LAMA4: variants seen among roughly 807,000 people sequenced by gnomAD.
The protein encoded by LAMA4 is laminin subunit alpha 4, also known as laminin subunit alpha-4.
In LAMA4, 127 loss-of-function variants were observed where a neutral mutation model predicts 207.1. That is an observed-to-expected ratio of 0.61 (90% CI 0.53 to 0.71). LAMA4 has a LOEUF of 0.71. LAMA4 is among the 30% of genes least tolerant of loss of function. LAMA4 has a pLI of 0.00. For synonymous variants in LAMA4, 761 were observed against 816.0 expected (o/e 0.93, Z 1.15); for missense variants, 2,093 against 2,246.5 (o/e 0.93, Z 1.38).
At chr6:112,160,035 A>C (rs7739729) in intron 13 of LAMA4, among the ~76,000 whole-genome samples, 8,107 of 151,982 alleles carry the variant, frequency 0.053, 704 homozygotes, top group African/African-American at 0.18. Context: ...CAGCTACCCC[A>C]CTTGGCTAAG....
chr6:112,188,297 G>T (rs1398205447), intron 7 of LAMA4, among the ~76,000 whole-genome samples: 2 of 152,194 alleles, frequency 1.3e-5, no homozygotes, highest in Non-Finnish European at 2.9e-5. Flanking sequence ...TCTCTCAAGG[G>T]AATGATTCCC....
intron 6 of LAMA4, among the ~76,000 whole-genome samples, chr6:112,190,935 CTTTCTTTCTTTCCTTT>C (rs1345386899): frequency 0.031 from 1,823 of 58,052 alleles, 11 homozygotes; most frequent in South Asian, 0.043. Flanking sequence ...TTCTTTCTTT[CTTTCTTTCTTTCCTTT>C]CTTTCTTTCT....
Position 112,109,451 on chromosome 6 carries a change from A to G in LAMA4, c.5458T>C (p.Cys1820Arg), listed in dbSNP as rs782706577. ...GCTCTGTCATGTCAGGCTGCTGGAC[A>G]GGAGTTGATGCTTACGGCGCCGCTG... ...LVSGAVSINSCPAA is the reference protein window; with the variant it reads ...LVSGAVSINSRPAA Residue 1820 changes from cysteine (C) to arginine (R), a missense_variant, in exon 39 of 39, where the codon TGT becomes CGT. This residue lies in a region of LAMA4 where 383 missense variants were observed against 437.8 expected (regional missense o/e 0.87). Coordinates refer to ENST00000230538, the MANE Select transcript of LAMA4 (RefSeq NM_001105206.3). 4.3e-6 allele frequency: 7 copies of G among 1,613,864 alleles called. No homozygotes were observed. The highest frequency in any genetic ancestry group is 4.0e-5 in the African/African-American group (3 of 74,908).
chr6:112,178,089 T>C, intron 10 of LAMA4, 32 bp downstream of exon 10: 1 of 1,429,344 alleles, frequency 7.0e-7, no homozygotes, highest in Non-Finnish European at 9.9e-7. Flanking sequence ...GTTTCCTTGA[T>C]ATTAAACTGA....
chr6:112,208,883 A>G (rs17073574), intron 3 of LAMA4, among the ~76,000 whole-genome samples: 9,416 of 152,302 alleles, frequency 0.062, 340 homozygotes, highest in East Asian at 0.15. Context: ...TGACAGATCA[A>G]TGAGAAACTC....
At chr6:112,138,804 A>G (rs1323107973) in intron 24 of LAMA4, among the ~76,000 whole-genome samples, 6 of 152,172 alleles carry the variant, frequency 3.9e-5, no homozygotes, top group Admixed American at 3.3e-4. Flanking sequence ...TGATTAGGGC[A>G]TATGGTTTGG....
At chr6:112,123,453 T>A (rs1472455852) in intron 31 of LAMA4, among the ~76,000 whole-genome samples, 1 of 152,112 alleles carries the variant, frequency 6.6e-6, no homozygotes, top group Non-Finnish European at 1.5e-5. Context: ...CTAGGAGGGT[T>A]TTTACTGGCA....
chr6:112,146,388 AG>A (rs1554334528), intron 18 of LAMA4, among the ~76,000 whole-genome samples: 1 of 152,148 alleles, frequency 6.6e-6, no homozygotes, highest in Non-Finnish European at 1.5e-5. Flanking sequence ...TTGACTGAAC[AG>A]TGGTTCTTAA....
At chr6:112,183,775 ACT>A (rs1179401396) in intron 9 of LAMA4, among the ~76,000 whole-genome samples, 3 of 151,558 alleles carry the variant, frequency 2.0e-5, no homozygotes, top group Non-Finnish European at 4.4e-5. Context: ...ACATGGTGAA[ACT>A]CTGTCTTTAC....
intron 22 of LAMA4, among the ~76,000 whole-genome samples, chr6:112,140,490 G>A (rs782093616): frequency 6.6e-6 from 1 of 152,138 alleles, no homozygotes; most frequent in Admixed American, 6.6e-5. Context: ...GCAGGTGGGG[G>A]TAATATTAAT....
At chr6:112,142,001 T>G in intron 20 of LAMA4, 118 bp downstream of exon 20, 1 of 955,772 alleles carries the variant, frequency 1.0e-6, no homozygotes, top group South Asian at 1.3e-5. Context: ...TGAGATCTTC[T>G]GAGTTACCAG....
At chr6:112,182,390 A>C (rs145181734) in intron 9 of LAMA4, among the ~76,000 whole-genome samples, 2,159 of 152,334 alleles carry the variant, frequency 0.014, 56 homozygotes, top group African/African-American at 0.049. Context: ...AGTAATACTC[A>C]GCATATGGTA....
Position 112,109,136 on chromosome 6 carries a change from G to A in LAMA4, c.*301C>T, listed in dbSNP as rs1159946225. 10 of 388,972 alleles carry A rather than the reference G, an allele frequency of 2.6e-5. No individual in the cohort carries two copies. The East Asian group carries it at 5.6e-4, about 22-fold the overall frequency. The allele number at this position is 388,972 out of a possible 1,614,324, so 24.1% of individuals were successfully genotyped here. On this transcript the variant is annotated 3_prime_UTR_variant, in exon 39 of 39. Coordinates refer to ENST00000230538, the MANE Select transcript of LAMA4 (RefSeq NM_001105206.3). ...CAAAAATGTGTGCAAGTGTTTATTT[G>A]GAATCCCTTCTATTTTATTAGAAAC...
At chr6:112,188,237 T>A (rs1356600912) in intron 7 of LAMA4, among the ~76,000 whole-genome samples, 1 of 152,232 alleles carries the variant, frequency 6.6e-6, no homozygotes, top group East Asian at 1.9e-4. Flanking sequence ...TTAATGGTTG[T>A]TAATATGTTA....
chr6:112,115,808 G>A, intron 36 of LAMA4, 55 bp downstream of exon 36: 1 of 1,550,558 alleles, frequency 6.4e-7, no homozygotes, highest in Middle Eastern at 1.7e-4. Context: ...ATCTGCTTCA[G>A]ATCTAGAATC....
chr6:112,182,908 A>T (rs1894681), intron 9 of LAMA4, among the ~76,000 whole-genome samples: 1 of 151,980 alleles, frequency 6.6e-6, no homozygotes, highest in Non-Finnish European at 1.5e-5. Flanking sequence ...TCTTTTGAGC[A>T]CTGGGTATTT....
chr6:112,121,834 A>G, intron 32 of LAMA4, 180 bp downstream of exon 32: 1 of 603,886 alleles, frequency 1.7e-6, no homozygotes, highest in Non-Finnish European at 3.0e-6. Flanking sequence ...GGAAAGTCAC[A>G]GAGAATATAA....
chr6:112,204,886 T>C (rs1304579220), intron 4 of LAMA4, among the ~76,000 whole-genome samples: 1 of 152,196 alleles, frequency 6.6e-6, no homozygotes, highest in Non-Finnish European at 1.5e-5. Context: ...TGAAGAAGGA[T>C]GGGACTGAAA....
intron 2 of LAMA4, among the ~76,000 whole-genome samples, chr6:112,247,501 T>C (rs1654921004): frequency 6.6e-6 from 1 of 152,210 alleles, no homozygotes. Context: ...AAATTCTGTC[T>C]TCTTTTGAAA....
Sources: gnomAD v4.1 joint callset for allele counts (sites outside exome capture counted in the v4.1 genomes callset) on GRCh38, gnomAD v4.1.1 for gene constraint, gnomAD v4.1.1 regional missense constraint, MANE v1.5 for transcripts, NCBI Gene and HGNC (gene_info 2026-07-23, HGNC 2026-07-21) for gene names.